Variants in PRKG1 observed in about 807,000 individuals in gnomAD.
PRKG1 encodes the protein cGMP-dependent protein kinase 1.
A neutral mutation model predicts 88.1 loss-of-function variants in PRKG1; 35 were observed. The ratio of observed to expected loss-of-function variants is 0.40; its 90% CI spans 0.30 to 0.53. The LOEUF is 0.53. Ranked by LOEUF, PRKG1 falls within the 20% of genes least tolerant of loss-of-function variation. The pLI is 0.59. For synonymous variants in PRKG1, 303 were observed against 292.5 expected (o/e 1.04, Z -0.37); for missense variants, 540 against 839.8 (o/e 0.64, Z 4.41).
Position 52,232,471 on chromosome 10 carries a change from A to G in PRKG1, c.1077-19099A>G, listed in dbSNP as rs996550709. ...TTTTGTATTATGTATCTTAAGTGGT[A>G]TCTTTGTGCAAATAGTATATGCTAT... On this transcript the variant is annotated intron_variant, in intron 9 of 17. Transcript: ENST00000373980. Among the ~76,000 whole-genome samples the G allele has an allele frequency of 1.5e-4, 23 of 152,316 alleles. 1 individual carries two copies. Among genetic ancestry groups the G allele is most frequent in the African/African-American group, 5.5e-4 (23 of 41,570 alleles).
intron 1 of PRKG1, among the ~76,000 whole-genome samples, chr10:51,101,110 C>A (rs1232157100): frequency 6.6e-6 from 1 of 152,088 alleles, no homozygotes; most frequent in African/African-American, 2.4e-5. Flanking sequence ...CACGAGAATT[C>A]ATAGGTTGTA....
chr10:51,867,531 AAGACTT>A (rs1841046321), intron 4 of PRKG1, among the ~76,000 whole-genome samples: 1 of 152,162 alleles, frequency 6.6e-6, no homozygotes, highest in Non-Finnish European at 1.5e-5. Flanking sequence ...GGATTGGAGA[AAGACTT>A]AGGAATTTAA....
intron 2 of PRKG1, among the ~76,000 whole-genome samples, chr10:51,239,388 T>A (rs1839091149): frequency 6.6e-6 from 1 of 152,232 alleles, no homozygotes; most frequent in Non-Finnish European, 1.5e-5. Context: ...AACAAGTGTA[T>A]ACAAAAGTTC....
chr10:51,314,997 A>G (rs1235952152), intron 2 of PRKG1, among the ~76,000 whole-genome samples: 1 of 152,190 alleles, frequency 6.6e-6, no homozygotes, highest in Non-Finnish European at 1.5e-5. Flanking sequence ...GCAAATATTA[A>G]CTTGGCTGGG....
rs1051578428 is a variant in PRKG1 at position 51,956,201 on chromosome 10, T to C, written c.762+48631T>C. Among the ~76,000 whole-genome samples the C allele has an allele frequency of 3.9e-5, 6 of 152,196 alleles. No homozygotes were observed. The Middle Eastern group carries it at 0.01, about 259-fold the overall frequency. Reference sequence around the variant, plus strand: ...GCTAGTATTTTTATTAGGATTATTATTTTGTTGGTATTTTTGTTGTATCAT... The same window carrying C: ...GCTAGTATTTTTATTAGGATTATTACTTTGTTGGTATTTTTGTTGTATCAT... On this transcript the variant is annotated intron_variant, in intron 5 of 17. Transcript: ENST00000373980.
At chr10:52,035,534 G>A (rs1845585840) in intron 5 of PRKG1, among the ~76,000 whole-genome samples, 1 of 152,170 alleles carries the variant, frequency 6.6e-6, no homozygotes, top group African/African-American at 2.4e-5. Flanking sequence ...CGTGATCAGG[G>A]TGAGGAAGAG....
At chr10:51,666,961 A>AT (rs1416849365) in intron 3 of PRKG1, among the ~76,000 whole-genome samples, 6 of 151,418 alleles carry the variant, frequency 4.0e-5, no homozygotes, top group East Asian at 3.9e-4. Context: ...AGCCTGGCTA[A>AT]TTTTTTTTGT....
chr10:52,183,291 G>A (rs1839093442), intron 9 of PRKG1, among the ~76,000 whole-genome samples: 1 of 152,164 alleles, frequency 6.6e-6, no homozygotes, highest in Non-Finnish European at 1.5e-5. Context: ...GGGGCTTTTG[G>A]GCAGGACAGA....
intron 3 of PRKG1, among the ~76,000 whole-genome samples, chr10:51,762,035 G>T (rs914612239): frequency 4.6e-5 from 7 of 152,000 alleles, no homozygotes; most frequent in African/African-American, 1.4e-4. Context: ...TATGGATTGT[G>T]TTTTTAAAAA....
intron 1 of PRKG1, among the ~76,000 whole-genome samples, chr10:51,144,723 A>C (rs890628117): frequency 3.3e-5 from 5 of 152,160 alleles, no homozygotes; most frequent in African/African-American, 1.2e-4. Context: ...GCCTTACGCA[A>C]AACAATGGTT....
intron 7 of PRKG1, among the ~76,000 whole-genome samples, chr10:52,121,267 A>G (rs1442710029): frequency 6.6e-6 from 1 of 152,146 alleles, no homozygotes; most frequent in Non-Finnish European, 1.5e-5. Flanking sequence ...AGTCCTGAAC[A>G]TATCTGAAAT....
rs545035290 is a variant in PRKG1 at position 52,279,107 on chromosome 10, A to G, written c.1404-1682A>G. Among the ~76,000 whole-genome samples, 3 of 152,296 alleles carry G rather than the reference A, an allele frequency of 2.0e-5. No homozygotes were observed. In the South Asian group the frequency reaches 6.2e-4, roughly 32 times the overall value. On this transcript the variant is annotated intron_variant, in intron 12 of 17. Transcript: ENST00000373980. The stretch of plus-strand genomic sequence containing the variant: ...AAGGTAAATAATCTCTTCAAATGAA[A>G]GAAACATGCTACTCTTGACAGGTAA...
At chr10:51,248,459 C>T (rs984542289) in intron 2 of PRKG1, among the ~76,000 whole-genome samples, 1 of 151,800 alleles carries the variant, frequency 6.6e-6, no homozygotes, top group Non-Finnish European at 1.5e-5. Flanking sequence ...GCATTTGTAA[C>T]CATGATATTA....
At chr10:51,898,163 C>T (rs557312962) in intron 4 of PRKG1, among the ~76,000 whole-genome samples, 3,873 of 152,182 alleles carry the variant, frequency 0.025, 163 homozygotes, top group African/African-American at 0.087. Context: ...TTATCTATCT[C>T]CCTCACCTTT....
At chr10:51,013,739 A>C (rs1843022627) in intron 1 of PRKG1, among the ~76,000 whole-genome samples, 1 of 152,192 alleles carries the variant, frequency 6.6e-6, no homozygotes, top group African/African-American at 2.4e-5. Flanking sequence ...ATGAGAAAAC[A>C]GGTATAGTTA....
chr10:51,869,393 T>C (rs906441678), intron 4 of PRKG1, among the ~76,000 whole-genome samples: 4 of 152,218 alleles, frequency 2.6e-5, no homozygotes, highest in African/African-American at 9.6e-5. Flanking sequence ...TGCTGTTTTT[T>C]TTTTAATAAA....
At position 51,239,197 on chromosome 10, in the gene PRKG1, A is replaced by G. The variant is rs189080525; in HGVS notation, c.478+85867A>G. ...CACACCCTTCTCTAACCTTGCAAAAAGAAACTGGTTCTTAAATAGCATCCG... is the reference window on the plus strand; with the variant it reads ...CACACCCTTCTCTAACCTTGCAAAAGGAAACTGGTTCTTAAATAGCATCCG... On this transcript the variant is annotated intron_variant, in intron 2 of 17. Transcript: ENST00000373980. Among the ~76,000 whole-genome samples, 7 of 152,346 alleles carry G rather than the reference A, an allele frequency of 4.6e-5. No homozygotes were observed. The East Asian group carries it at 1.3e-3, about 29-fold the overall frequency.
chr10:51,171,824 C>T (rs371033255), intron 2 of PRKG1, among the ~76,000 whole-genome samples: 5 of 152,144 alleles, frequency 3.3e-5, no homozygotes, highest in African/African-American at 9.6e-5. Flanking sequence ...TTCCAGCACA[C>T]AGCACATGTT....
intron 3 of PRKG1, among the ~76,000 whole-genome samples, chr10:51,739,158 C>T (rs976378061): frequency 2.6e-5 from 4 of 152,200 alleles, no homozygotes; most frequent in African/African-American, 7.2e-5. Flanking sequence ...TCTATTTTAG[C>T]CTCATCGTAA....
Sources: gnomAD v4.1 joint callset for allele counts (sites outside exome capture counted in the v4.1 genomes callset) on GRCh38, gnomAD v4.1.1 for gene constraint, MANE v1.5 for transcripts, NCBI Gene and HGNC (gene_info 2026-07-23, HGNC 2026-07-21) for gene names.